ASTN2: variants seen among roughly 807,000 people sequenced by gnomAD.
ASTN2 encodes astrotactin 2, also known as astrotactin-2.
Under a neutral mutation model 139.8 loss-of-function variants are expected in ASTN2, and 54 were observed. The observed-to-expected ratio is 0.39, with a 90% confidence interval of 0.31 to 0.48. The LOEUF (loss-of-function observed/expected upper bound fraction) is 0.48, where lower values mean the gene tolerates loss of function less well. ASTN2 is among the 20% of genes least tolerant of loss of function. ASTN2 has a pLI of 0.95. For missense variants in ASTN2, 1,565 were observed against 1,725.1 expected (o/e 0.91, Z 1.64); for synonymous variants, 756 against 719.5 (o/e 1.05, Z -0.81).
At chr9:116,687,660 T>G (rs1588200177) in intron 16 of ASTN2, among the ~76,000 whole-genome samples, 1 of 146,440 alleles carries the variant, frequency 6.8e-6, no homozygotes, top group Non-Finnish European at 1.5e-5. Context: ...TCTCGGGAGG[T>G]ATGAGGTAAT....
At chr9:117,296,185 G>A (rs1447396485) in intron 1 of ASTN2, among the ~76,000 whole-genome samples, 1 of 150,046 alleles carries the variant, frequency 6.7e-6, no homozygotes, top group Non-Finnish European at 1.5e-5. Flanking sequence ...GGCTGAGGCA[G>A]GAGAATCACT....
intron 3 of ASTN2, among the ~76,000 whole-genome samples, chr9:117,152,012 C>T (rs1830336794): frequency 1.3e-5 from 2 of 152,082 alleles, no homozygotes; most frequent in South Asian, 4.1e-4. Context: ...CATTATATCT[C>T]GAACTCATTA....
intron 1 of ASTN2, among the ~76,000 whole-genome samples, chr9:117,401,308 TCAGGTA>T: frequency 6.6e-6 from 1 of 152,148 alleles, no homozygotes; most frequent in Admixed American, 6.5e-5. Context: ...CAAATACCTG[TCAGGTA>T]AAGGCTTTTA....
At chr9:117,184,536 G>A (rs894796127) in intron 3 of ASTN2, among the ~76,000 whole-genome samples, 4 of 152,252 alleles carry the variant, frequency 2.6e-5, no homozygotes, top group African/African-American at 9.6e-5. Flanking sequence ...ACTGGAGACT[G>A]GCCTCAGCCA....
At chr9:116,474,093 A>G (rs959289196) in intron 20 of ASTN2, among the ~76,000 whole-genome samples, 5 of 152,194 alleles carry the variant, frequency 3.3e-5, no homozygotes, top group Admixed American at 2.0e-4. Context: ...AGCATCTTGT[A>G]CAGCCAGAAA....
At chr9:116,642,157 A>T (rs1426007313) in intron 17 of ASTN2, among the ~76,000 whole-genome samples, 1 of 149,256 alleles carries the variant, frequency 6.7e-6, no homozygotes, top group Non-Finnish European at 1.5e-5. Context: ...AAAAAAAAAC[A>T]GAATCAGTAG....
At chr9:117,359,242 A>T (rs1829630339) in intron 1 of ASTN2, among the ~76,000 whole-genome samples, 1 of 152,176 alleles carries the variant, frequency 6.6e-6, no homozygotes, top group Non-Finnish European at 1.5e-5. Context: ...TGTAAAATGG[A>T]AAGTGCTTAA....
chr9:117,402,275 C>T (rs1293341462), intron 1 of ASTN2, among the ~76,000 whole-genome samples: 1 of 152,118 alleles, frequency 6.6e-6, no homozygotes, highest in Non-Finnish European at 1.5e-5. Context: ...CCATGTTGGC[C>T]AGGCTGGTCT....
Position 117,291,858 on chromosome 9 carries a change from TAGA to T in ASTN2, c.443-348_443-346del, listed in dbSNP as rs549936240. On this transcript the variant is annotated intron_variant, in intron 1 of 22. Transcript: ENST00000313400. ...TTTCATTCTTTTGTGGCTATGGAAC[TAGA>T]AGAAGATGAAGGAAAGAAATCCATG... 3.5e-3 allele frequency among the ~76,000 whole-genome samples: 539 copies of T among 152,254 alleles called. 5 individuals carry two copies. Among genetic ancestry groups the T allele is most frequent in the African/African-American group, 0.012 (497 of 41,542 alleles).
chr9:116,800,444 G>C (rs1286242851), intron 13 of ASTN2, among the ~76,000 whole-genome samples: 1 of 152,138 alleles, frequency 6.6e-6, no homozygotes, highest in African/African-American at 2.4e-5. Context: ...GGACTGTTCA[G>C]GAAATATCAC....
chr9:117,164,467 A>C (rs1172923132), intron 3 of ASTN2, among the ~76,000 whole-genome samples: 1 of 152,144 alleles, frequency 6.6e-6, no homozygotes, highest in Admixed American at 6.6e-5. Context: ...AAAGGAGAGC[A>C]GAATCCTAGC....
intron 7 of ASTN2, among the ~76,000 whole-genome samples, chr9:116,983,905 C>A (rs1190104429): frequency 1.3e-5 from 2 of 152,142 alleles, no homozygotes; most frequent in Non-Finnish European, 2.9e-5. Context: ...TGAGTCCTGG[C>A]TAGATCAGTC....
chr9:117,360,500 C>T (rs779246080), intron 1 of ASTN2, among the ~76,000 whole-genome samples: 10 of 152,130 alleles, frequency 6.6e-5, no homozygotes, highest in Admixed American at 1.3e-4. Context: ...AGAGCAAGTG[C>T]GCTGGGGATA....
At chr9:116,567,594 G>T (rs1030529094) in intron 19 of ASTN2, among the ~76,000 whole-genome samples, 2 of 152,144 alleles carry the variant, frequency 1.3e-5, no homozygotes, top group African/African-American at 4.8e-5. Context: ...GGCCTTGGAG[G>T]ACCCTTCTGG....
At chr9:116,466,462 C>T (rs115582239) in intron 20 of ASTN2, among the ~76,000 whole-genome samples, 2,147 of 152,302 alleles carry the variant, frequency 0.014, 61 homozygotes, top group African/African-American at 0.049. Context: ...CTTACAGCAG[C>T]CTGCTTCACA....
In ASTN2 at chr9:116,586,833, C is replaced by CACACACACACACACACACAT. The variant is rs1554717114; in HGVS notation, c.3355+31490_3355+31491insATGTGTGTGTGTGTGTGTGT. On this transcript the variant is annotated intron_variant, in intron 19 of 22. Coordinates refer to ENST00000313400, the MANE Select transcript of ASTN2 (RefSeq NM_001365068.1). ...AAATTCACACACACACACATACATA[C>CACACACACACACACACACAT]ACACACACACACACACACACACACA... Among the ~76,000 whole-genome samples, 570 of 118,100 alleles carry CACACACACACACACACACAT rather than the reference C, an allele frequency of 4.8e-3. 8 individuals carry two copies. Among genetic ancestry groups the CACACACACACACACACACAT allele is most frequent in the African/African-American group, 0.016 (520 of 32,054 alleles). 77.5% of individuals were successfully genotyped at this position (118,100 alleles called of 152,430 possible).
intron 1 of ASTN2, among the ~76,000 whole-genome samples, chr9:117,324,698 A>G (rs1828454818): frequency 6.6e-6 from 1 of 152,148 alleles, no homozygotes; most frequent in Non-Finnish European, 1.5e-5. Flanking sequence ...CAATCCCAGT[A>G]CATAGATTTG....
intron 19 of ASTN2, among the ~76,000 whole-genome samples, chr9:116,490,078 CAA>C (rs1191570659): frequency 6.6e-6 from 1 of 151,736 alleles, no homozygotes; most frequent in East Asian, 1.9e-4. Flanking sequence ...TAGAAAGAAA[CAA>C]AGATGCCTAG....
intron 5 of ASTN2, among the ~76,000 whole-genome samples, chr9:117,075,794 C>G (rs1828265578): frequency 2.0e-5 from 3 of 152,200 alleles, no homozygotes; most frequent in Non-Finnish European, 4.4e-5. Context: ...ATGCTGTTTA[C>G]TAAAACTGTG....
Sources: allele counts gnomAD v4.1 joint callset (sites outside exome capture counted in the v4.1 genomes callset), GRCh38; gene constraint gnomAD v4.1.1; transcripts MANE v1.5; gene names NCBI Gene and HGNC (gene_info 2026-07-23, HGNC 2026-07-21).